ZNF212: variants seen among roughly 807,000 people sequenced by gnomAD.
The protein encoded by ZNF212 is Zinc finger protein C2H2-150.
Under a neutral mutation model 47.3 loss-of-function variants are expected in ZNF212, and 32 were observed. The observed-to-expected ratio is 0.68, with a 90% CI of 0.51 to 0.91. ZNF212 has a LOEUF of 0.91. Ranked by LOEUF, ZNF212 falls within the 40% of genes least tolerant of loss-of-function variation. The probability of loss-of-function intolerance (pLI) is 0.00; values close to 1 mark genes in which losing one functional copy is unlikely to be tolerated. For synonymous variants in ZNF212, 242 were observed against 253.8 expected, an observed-to-expected ratio of 0.95 and a Z score of 0.44; for missense variants, 555 against 622.8, an observed-to-expected ratio of 0.89 and a Z score of 1.16.
intron 1 of ZNF212, among the ~76,000 whole-genome samples, chr7:149,241,063 T>C (rs1796580963): frequency 1.3e-5 from 2 of 152,236 alleles, no homozygotes; most frequent in African/African-American, 4.8e-5. Flanking sequence ...GAGAGGATTC[T>C]GCCACAGTTC....
rs1796808452 is a variant in ZNF212, at chr7:149,254,432, C to T, written c.*17C>T. ...CTGCTTTAAGGGTGCAGCCCCTCGC[C>T]CGTCTGGGGGATGGAGGGGGGTGGC... On this transcript the variant is annotated 3_prime_UTR_variant, in exon 5 of 5. Transcript: ENST00000335870. This position sits in a 1 kb window ranked among gnomAD's most constrained non-coding sequence, Gnocchi z 4.5. The T allele has an allele frequency of 6.4e-7, 1 of 1,569,556 alleles. No individual in the cohort carries two copies. The highest frequency in any genetic ancestry group is 8.6e-7 in the Non-Finnish European group (1 of 1,165,584).
Position 149,254,167 on chromosome 7 carries a change from C to A in ZNF212, c.1240C>A (p.Leu414Met). The change falls in exon 5 of 5, where the codon CTG becomes ATG. Residue 414 changes from leucine (L) to methionine (M), a missense_variant. Transcript: ENST00000335870. The surrounding 1 kb of genome is among the most constrained non-coding windows in gnomAD (Gnocchi z 4.5). ...GTTCTCACCCAACAGCCTGGTTGCC[C>A]TGCCTGGCCACATCCCTTGGAGGAA... Reference protein sequence around the residue: ...ERFSPNSLVALPGHIPWRKSR... With the variant: ...ERFSPNSLVAMPGHIPWRKSR... 1 of 1,614,258 alleles carries A rather than the reference C, an allele frequency of 6.2e-7. No homozygotes were observed. The highest frequency in any genetic ancestry group is 1.7e-5 in the Admixed American group (1 of 60,038).
chr7:149,249,469 G>C (rs998962150), intron 1 of ZNF212, among the ~76,000 whole-genome samples: 2 of 151,910 alleles, frequency 1.3e-5, no homozygotes, highest in Non-Finnish European at 1.5e-5. Flanking sequence ...ATAAAAATAG[G>C]TTTAAAAATG....
rs1239942273 is a variant in ZNF212 at position 149,250,509 on chromosome 7, C to T, written c.375C>T (p.Ile125=). The T allele has an allele frequency of 2.5e-6, 4 of 1,613,688 alleles. No individual in the cohort carries two copies. Among genetic ancestry groups the T allele is most frequent in the South Asian group, 1.1e-5 (1 of 91,082 alleles). ...TGCTGCGCAACAGGAACTTCTGGAT[C>T]CTGCGGCTGCCCCCGGGCAGCAAGG... The part of the protein sequence containing the change: ...ENLLRNRNFW[I]LRLPPGSKGE... The change falls in exon 2 of 5, where the codon ATC becomes ATT. Residue 125 remains isoleucine, a synonymous_variant. Coordinates refer to ENST00000335870, the MANE Select transcript of ZNF212 (RefSeq NM_012256.4).
At position 149,250,218 on chromosome 7, in the gene ZNF212, A is replaced by G. The variant is rs769902331; in HGVS notation, c.84A>G (p.Thr28=). 46 of 1,582,276 alleles carry G rather than the reference A, an allele frequency of 2.9e-5. No individual in the cohort carries two copies. In the Admixed American group the frequency reaches 7.1e-4, roughly 25 times the overall value. The change falls in exon 2 of 5, where the codon ACA becomes ACG. Residue 28 remains threonine (T), a synonymous_variant. Coordinates refer to ENST00000335870, the MANE Select transcript of ZNF212 (RefSeq NM_012256.4). The stretch of plus-strand genomic sequence containing the variant: ...CTTCCACACTTCCTTCACAAGCAAC[A>G]GAGAAAAGCTCCTATTTTCAGACCA... The part of the protein sequence containing the change: ...LTSSTLPSQA[T]EKSSYFQTTE...
intron 1 of ZNF212, among the ~76,000 whole-genome samples, chr7:149,247,258 T>C (rs1796692362): frequency 6.6e-6 from 1 of 151,904 alleles, no homozygotes; most frequent in Non-Finnish European, 1.5e-5. Context: ...TATAGGCACA[T>C]GCCACCACGT....
At chr7:149,243,433 C>CAAAA (rs869068988) in intron 1 of ZNF212, among the ~76,000 whole-genome samples, 5,172 of 55,976 alleles carry the variant, frequency 0.092, 855 homozygotes, top group Non-Finnish European at 0.14. Context: ...GACTCCGTCT[C>CAAAA]AAAAAAAAAA....
At chr7:149,244,008 A>G (rs1585591697) in intron 1 of ZNF212, among the ~76,000 whole-genome samples, 1 of 152,270 alleles carries the variant, frequency 6.6e-6, no homozygotes, top group South Asian at 2.1e-4. Context: ...GCTCACTGCA[A>G]CCTTGCAACC....
chr7:149,249,571 ATAAAC>A (rs10616042), intron 1 of ZNF212, among the ~76,000 whole-genome samples: 3,086 of 152,320 alleles, frequency 0.02, 57 homozygotes, highest in African/African-American at 0.048. Flanking sequence ...TTGAAAAAAA[ATAAAC>A]TAAAAGATGA....
intron 1 of ZNF212, among the ~76,000 whole-genome samples, chr7:149,245,013 A>T (rs978565129): frequency 6.6e-6 from 1 of 152,194 alleles, no homozygotes; most frequent in Non-Finnish European, 1.5e-5. Context: ...GTTGGAATAG[A>T]TACCTAGGGA....
At chr7:149,250,650 A>G (rs756198752) in intron 2 of ZNF212, 31 bp from the exon 3 acceptor site, 1 of 1,614,030 alleles carries the variant, frequency 6.2e-7, no homozygotes, top group East Asian at 2.2e-5. Flanking sequence ...TGTGAGTAGA[A>G]GCACTCATGG....
At position 149,241,431 on chromosome 7, in the gene ZNF212, C is replaced by CAAA. The variant is rs35747561; in HGVS notation, c.24+1648_24+1650dup. Reference sequence around the variant, plus strand: ...TGGGTGACAGAGCAAGACTCTGTCTCAAAAAAAAAAAAAAAAAAAAAGTCC... The same window carrying CAAA: ...TGGGTGACAGAGCAAGACTCTGTCTCAAAAAAAAAAAAAAAAAAAAAAAAGTCC... On this transcript the variant is annotated intron_variant, in intron 1 of 4. Transcript: ENST00000335870. Among the ~76,000 whole-genome samples, 141 of 76,506 alleles carry CAAA rather than the reference C, an allele frequency of 1.8e-3. 1 individual carries two copies. The highest frequency in any genetic ancestry group is 5.3e-3 in the African/African-American group (103 of 19,502). The allele number at this position is 76,506 out of a possible 152,430, so 50.2% of individuals were successfully genotyped here.
In ZNF212 at chr7:149,239,712, C is replaced by T. The variant is rs553368420; in HGVS notation, c.-67C>T. On this transcript the variant is annotated 5_prime_UTR_variant, in exon 1 of 5. Transcript: ENST00000335870. ...CGGCTTCCAACAGGCTCTGGGGCGC[C>T]GAGCGGACAGGAACGCAGCACGGGG... 4 of 1,281,720 alleles carry T rather than the reference C, an allele frequency of 3.1e-6. No homozygotes were observed. In the South Asian group the frequency reaches 9.3e-5, roughly 30 times the overall value. 79.4% of individuals were successfully genotyped at this position (1,281,720 alleles called of 1,614,324 possible).
Position 149,250,490 on chromosome 7 carries a change from G to A in ZNF212, c.356G>A (p.Arg119His), listed in dbSNP as rs553396170. Reference sequence around the variant, plus strand: ...CTGGAGAACGTGGAGAACCTGCTGCGCAACAGGAACTTCTGGATCCTGCGG... The same window carrying A: ...CTGGAGAACGTGGAGAACCTGCTGCACAACAGGAACTTCTGGATCCTGCGG... Reference protein sequence around the residue: ...RRLENVENLLRNRNFWILRLP... With the variant: ...RRLENVENLLHNRNFWILRLP... Residue 119 changes from arginine (R) to histidine (H), a missense_variant, in exon 2 of 5, where the codon CGC becomes CAC. Physicochemically the swap from Arg to His is conservative, Grantham distance 29 (BLOSUM62 0). Coordinates refer to ENST00000335870, the MANE Select transcript of ZNF212 (RefSeq NM_012256.4). The A allele has an allele frequency of 1.4e-5, 22 of 1,613,920 alleles. No homozygotes were observed. Among genetic ancestry groups the A allele is most frequent in the Admixed American group, 5.0e-5 (3 of 60,012 alleles).
intron 1 of ZNF212, among the ~76,000 whole-genome samples, chr7:149,240,597 C>G (rs1796574415): frequency 1.3e-5 from 2 of 152,138 alleles, no homozygotes; most frequent in African/African-American, 4.8e-5. Flanking sequence ...TAGATGATCT[C>G]CAAGGCTTTA....
intron 1 of ZNF212, among the ~76,000 whole-genome samples, chr7:149,248,793 G>A (rs1796712767): frequency 1.3e-5 from 2 of 152,194 alleles, no homozygotes; most frequent in Admixed American, 6.5e-5. Flanking sequence ...ATCTCTTGCA[G>A]GAGGATGTAT....
At chr7:149,243,011 C>A (rs1796617259) in intron 1 of ZNF212, among the ~76,000 whole-genome samples, 1 of 152,088 alleles carries the variant, frequency 6.6e-6, no homozygotes, top group African/African-American at 2.4e-5. Context: ...AGCTAATGAA[C>A]AATTACAATA....
rs1454166957 is a variant in ZNF212 at position 149,241,263 on chromosome 7, C to A, written c.24+1461C>A. Among the ~76,000 whole-genome samples the A allele has an allele frequency of 4.6e-5, 7 of 152,116 alleles. No homozygotes were observed. In the East Asian group the frequency reaches 1.4e-3, roughly 29 times the overall value. ...TCTGGCCAATGTGGTGAAACCCGGT[C>A]TCTACTAAAAATACAAAAATTAGCC... is the stretch of plus-strand genomic sequence containing the variant. On this transcript the variant is annotated intron_variant, in intron 1 of 4. Transcript: ENST00000335870.
intron 1 of ZNF212, among the ~76,000 whole-genome samples, chr7:149,241,156 A>G (rs1318732688): frequency 6.6e-6 from 1 of 152,140 alleles, no homozygotes; most frequent in Admixed American, 6.6e-5. Flanking sequence ...ACCACAGGCC[A>G]GGCGCAGTGG....
Sources: allele counts gnomAD v4.1 joint callset (sites outside exome capture counted in the v4.1 genomes callset), GRCh38; gene constraint gnomAD v4.1.1; non-coding constraint Gnocchi (gnomAD v3.1); transcripts MANE v1.5; gene names NCBI Gene and HGNC (gene_info 2026-07-23, HGNC 2026-07-21).